Variants in ENTREP2 observed in about 807,000 individuals in gnomAD.
ENTREP2 encodes the protein endosomal transmembrane epsin interactor 2, also known as protein ENTREP2.
the ENTREP2 span, among the ~76,000 whole-genome samples, chr15:29,594,012 G>A: frequency 1.3e-5 from 2 of 152,102 alleles, no homozygotes; most frequent in African/African-American, 2.4e-5. Context: ...AGATGTTATG[G>A]TGGGGGAAAC....
At chr15:29,622,448 C>T in the ENTREP2 span, among the ~76,000 whole-genome samples, 6 of 152,200 alleles carry the variant, frequency 3.9e-5, no homozygotes, top group Admixed American at 3.9e-4. Context: ...CCTCAAGTGA[C>T]CTGCTGGCCT....
At chr15:29,202,237 T>C in the ENTREP2 span, among the ~76,000 whole-genome samples, 5 of 152,166 alleles carry the variant, frequency 3.3e-5, no homozygotes, top group African/African-American at 9.6e-5. Flanking sequence ...TTTTTCTCCA[T>C]TGGTTTTCTG....
the ENTREP2 span, among the ~76,000 whole-genome samples, chr15:29,558,279 C>T: frequency 2.0e-5 from 3 of 152,102 alleles, no homozygotes; most frequent in African/African-American, 7.2e-5. Context: ...TCTGAAGCCA[C>T]CCCACGGGAG....
the ENTREP2 span, chr15:29,121,825 T>TAAAGGACTGGAGGAA: frequency 6.6e-6 from 1 of 152,224 alleles, no homozygotes; most frequent in African/African-American, 2.4e-5. Context: ...AGGGCAGGGA[T>TAAAGGACTGGAGGAA]AAAGGACTGG....
chr15:29,450,598 G>C, the ENTREP2 span, among the ~76,000 whole-genome samples: 1 of 152,088 alleles, frequency 6.6e-6, no homozygotes, highest in Non-Finnish European at 1.5e-5. Context: ...ATTCAGCCCA[G>C]CAATCCTAGT....
the ENTREP2 span, among the ~76,000 whole-genome samples, chr15:29,270,237 C>T: frequency 6.6e-6 from 1 of 152,194 alleles, no homozygotes; most frequent in African/African-American, 2.4e-5. Flanking sequence ...TAGTTTTCGT[C>T]CCTCCACCCA....
At chr15:29,612,342 C>T in the ENTREP2 span, among the ~76,000 whole-genome samples, 8 of 152,196 alleles carry the variant, frequency 5.3e-5, no homozygotes, top group South Asian at 8.3e-4. Context: ...TGGTCTGTGA[C>T]GCTCAGCTAG....
the ENTREP2 span, among the ~76,000 whole-genome samples, chr15:29,361,428 T>C: frequency 6.6e-6 from 1 of 152,212 alleles, no homozygotes; most frequent in African/African-American, 2.4e-5. Context: ...TCTTTCTAAA[T>C]AAAAATTATA....
the ENTREP2 span, among the ~76,000 whole-genome samples, chr15:29,158,370 G>C: frequency 6.7e-6 from 1 of 148,690 alleles, no homozygotes; most frequent in African/African-American, 2.5e-5. Flanking sequence ...TGTTTCTTCA[G>C]AATTCTTTTT....
chr15:29,246,665 A>T, the ENTREP2 span, among the ~76,000 whole-genome samples: 2 of 151,670 alleles, frequency 1.3e-5, no homozygotes, highest in Non-Finnish European at 2.9e-5. Context: ...GCGCCATTGC[A>T]CTCCTCCAGC....
chr15:29,654,409 T>A, the ENTREP2 span, among the ~76,000 whole-genome samples: 3 of 152,216 alleles, frequency 2.0e-5, no homozygotes, highest in African/African-American at 7.2e-5. Flanking sequence ...CAATTAACAT[T>A]CATTGTATAC....
the ENTREP2 span, among the ~76,000 whole-genome samples, chr15:29,483,966 G>T: frequency 1.3e-5 from 2 of 152,110 alleles, no homozygotes; most frequent in African/African-American, 4.8e-5. Flanking sequence ...ACACTATGAT[G>T]ACACCTCACT....
At chr15:29,586,666 T>A in the ENTREP2 span, among the ~76,000 whole-genome samples, 20 of 151,656 alleles carry the variant, frequency 1.3e-4, no homozygotes, top group African/African-American at 4.8e-4. Flanking sequence ...CGAGAATCAC[T>A]TGAACCCGGG....
At chr15:29,560,465 C>CAGCT in the ENTREP2 span, among the ~76,000 whole-genome samples, 1 of 152,246 alleles carries the variant, frequency 6.6e-6, no homozygotes, top group East Asian at 1.9e-4. Context: ...TCCTGCTGAC[C>CAGCT]AGCTGCAGTG....
chr15:29,564,924 GAAA>G, the ENTREP2 span, among the ~76,000 whole-genome samples: 4 of 152,088 alleles, frequency 2.6e-5, no homozygotes, highest in African/African-American at 9.7e-5. Context: ...AGGGGAGACT[GAAA>G]AACTACTTTG....
chr15:29,367,991 C>T, the ENTREP2 span, among the ~76,000 whole-genome samples: 4 of 146,366 alleles, frequency 2.7e-5, no homozygotes, highest in Admixed American at 6.8e-5. Flanking sequence ...AAAGCATGGC[C>T]CATATTCAGG....
chr15:29,155,476 G>C, the ENTREP2 span, among the ~76,000 whole-genome samples: 2 of 152,100 alleles, frequency 1.3e-5, no homozygotes, highest in Non-Finnish European at 2.9e-5. Context: ...CCCAGACTCA[G>C]GTCGTTTCTT....
At chr15:29,269,153 G>A in the ENTREP2 span, 1 of 1,614,120 alleles carries the variant, frequency 6.2e-7, no homozygotes, top group Non-Finnish European at 8.5e-7. Context: ...ATAAAGATGA[G>A]CCCTAAGACG....
At chr15:29,595,484 T>C in the ENTREP2 span, among the ~76,000 whole-genome samples, 2 of 152,184 alleles carry the variant, frequency 1.3e-5, no homozygotes, top group African/African-American at 2.4e-5. Flanking sequence ...TTTTTCTCCC[T>C]AATGTTCTTT....
Sources: gnomAD v4.1 joint callset for allele counts (sites outside exome capture counted in the v4.1 genomes callset) on GRCh38, gnomAD v4.1.1 for gene constraint, MANE v1.5 for transcripts, NCBI Gene and HGNC (gene_info 2026-07-23, HGNC 2026-07-21) for gene names.